TNFRSF21: variants seen among roughly 807,000 people sequenced by gnomAD.
The protein encoded by TNFRSF21 is tumor necrosis factor receptor superfamily member 21.
A neutral mutation model predicts 45.6 loss-of-function variants in TNFRSF21; 19 were observed. The ratio of observed to expected loss-of-function variants is 0.42; its 90% CI spans 0.29 to 0.61. The LOEUF is 0.61. TNFRSF21 is among the 20% of genes least tolerant of loss of function. TNFRSF21 has a pLI of 0.23. For synonymous variants in TNFRSF21, 314 were observed against 335.5 expected (o/e 0.94, Z 0.70); for missense variants, 737 against 851.5 (o/e 0.87, Z 1.67).
At chr6:47,290,363 A>G (rs1264966501) in intron 1 of TNFRSF21, among the ~76,000 whole-genome samples, 1 of 152,208 alleles carries the variant, frequency 6.6e-6, no homozygotes, top group Non-Finnish European at 1.5e-5. Context: ...GCTCTGCAGA[A>G]TGAGCACAGG....
chr6:47,293,383 C>T (rs1762754122), intron 1 of TNFRSF21, among the ~76,000 whole-genome samples: 1 of 152,196 alleles, frequency 6.6e-6, no homozygotes, highest in Non-Finnish European at 1.5e-5. Context: ...TGGAATTCAG[C>T]CCTTCATGTA....
chr6:47,241,637 T>C (rs1165575069), intron 4 of TNFRSF21, among the ~76,000 whole-genome samples: 2 of 152,170 alleles, frequency 1.3e-5, no homozygotes, highest in East Asian at 3.8e-4. Context: ...AAAGCAAATA[T>C]GCCAAAATGT....
chr6:47,257,935 A>G (rs1254378193), intron 3 of TNFRSF21, among the ~76,000 whole-genome samples: 1 of 152,156 alleles, frequency 6.6e-6, no homozygotes, highest in East Asian at 1.9e-4. Context: ...TTAATAGGGA[A>G]TGTGATGCAG....
At position 47,232,650 on chromosome 6, in the gene TNFRSF21, CACACACACAA is replaced by C. The variant is rs1764604104; in HGVS notation, c.*105_*114del. 2.0e-5 allele frequency: 17 copies of C among 837,852 alleles called. No homozygotes were observed. The highest frequency in any genetic ancestry group is 1.0e-4 in the South Asian group (6 of 59,476). 51.9% of individuals were successfully genotyped at this position (837,852 alleles called of 1,614,324 possible). Reference sequence around the variant, plus strand: ...ACACACACACACACACACACACACACACACACACAAACACACACACACACCCCAAACAACA... The same window carrying C: ...ACACACACACACACACACACACACACACACACACACACACCCCAAACAACA... On this transcript the variant is annotated 3_prime_UTR_variant, in exon 6 of 6. Transcript: ENST00000296861.
At chr6:47,284,623 G>A (rs866233705) in intron 2 of TNFRSF21, among the ~76,000 whole-genome samples, 191 bp from the exon 3 acceptor site, 19 of 152,162 alleles carry the variant, frequency 1.2e-4, no homozygotes, top group African/African-American at 4.6e-4. Context: ...AGGCAAAAAT[G>A]GAACTGAACC....
chr6:47,298,157 C>T (rs1762815502), intron 1 of TNFRSF21, among the ~76,000 whole-genome samples: 3 of 151,872 alleles, frequency 2.0e-5, no homozygotes, highest in Admixed American at 1.3e-4. Context: ...GATCTAGTCC[C>T]ATGAGATATT....
chr6:47,251,083 A>G (rs775501643), intron 4 of TNFRSF21, among the ~76,000 whole-genome samples: 1 of 152,200 alleles, frequency 6.6e-6, no homozygotes, highest in African/African-American at 2.4e-5. Context: ...CAAAGTCTGA[A>G]AAAATCCAAA....
At position 47,234,740 on chromosome 6, in the gene TNFRSF21, G is replaced by A. The variant is rs1582310797; in HGVS notation, c.1668C>T (p.Pro556=). The A allele has an allele frequency of 6.2e-7, 1 of 1,611,270 alleles. No homozygotes were observed. The highest frequency in any genetic ancestry group is 2.2e-5 in the East Asian group (1 of 44,648). ...TGGATGTAGAGTCACAGCGGAGAAG[G>A]GGCTCCGACTCATCCACGAAGAAGC... ...NKGFFVDESE[P]LLRCDSTSSG... The change falls in exon 5 of 6, where the codon CCC becomes CCT. Residue 556 remains proline, a synonymous_variant. Transcript: ENST00000296861.
At chr6:47,279,104 A>T (rs1433629576) in intron 3 of TNFRSF21, among the ~76,000 whole-genome samples, 1 of 152,180 alleles carries the variant, frequency 6.6e-6, no homozygotes, top group Non-Finnish European at 1.5e-5. Flanking sequence ...GAGCTTCTTC[A>T]TCCATAAGTA....
chr6:47,239,298 A>C lies in TNFRSF21; in HGVS notation c.1510-4400T>G, dbSNP rs1764711560. 2.6e-5 allele frequency among the ~76,000 whole-genome samples: 4 copies of C among 151,120 alleles called. No homozygotes were observed. The South Asian group carries it at 8.3e-4, about 31-fold the overall frequency. The stretch of plus-strand genomic sequence containing the variant: ...AAGACTCCATCTCAAAAAAAAAAAA[A>C]AAAAAAAAAAAAGGAAACTGAAGCC... On this transcript the variant is annotated intron_variant, in intron 4 of 5. Coordinates refer to ENST00000296861, the MANE Select transcript of TNFRSF21 (RefSeq NM_014452.5).
rs142787529 is a variant in TNFRSF21, at chr6:47,241,836, CTT to C, written c.1510-6940_1510-6939del. ...GCTTCTAATTGTTGAGTTAAAACCT[CTT>C]GTTTTCTTTCCTTCTTTCTTCTTCT... On this transcript the variant is annotated intron_variant, in intron 4 of 5. Coordinates refer to ENST00000296861, the MANE Select transcript of TNFRSF21 (RefSeq NM_014452.5). Among the ~76,000 whole-genome samples, 1,221 of 152,258 alleles carry C rather than the reference CTT, an allele frequency of 8.0e-3. 23 individuals are homozygous for C. The highest frequency in any genetic ancestry group is 0.027 in the African/African-American group (1,140 of 41,546).
chr6:47,288,661 A>G (rs1401348610), intron 1 of TNFRSF21, among the ~76,000 whole-genome samples: 2 of 152,154 alleles, frequency 1.3e-5, no homozygotes, highest in African/African-American at 4.8e-5. Flanking sequence ...TCATGATGCT[A>G]GGACAAGGCA....
Position 47,263,746 on chromosome 6 carries a change from T to C in TNFRSF21, c.1244-10225A>G, listed in dbSNP as rs1165771213. 5.3e-5 allele frequency among the ~76,000 whole-genome samples: 8 copies of C among 152,260 alleles called. No individual in the cohort carries two copies. The East Asian group carries it at 1.5e-3, about 29-fold the overall frequency. On this transcript the variant is annotated intron_variant, in intron 3 of 5. Transcript: ENST00000296861. ...AGACTGCAGCTGAAAGATCACCATA[T>C]TTACTAATTCTAAGACACCTGAATG...
intron 1 of TNFRSF21, among the ~76,000 whole-genome samples, chr6:47,290,026 C>T (rs1485051204): frequency 1.3e-5 from 2 of 152,030 alleles, no homozygotes; most frequent in Non-Finnish European, 1.5e-5. Context: ...AGAGTATCAA[C>T]GACAGGATTA....
At chr6:47,297,561 C>T (rs1354491668) in intron 1 of TNFRSF21, among the ~76,000 whole-genome samples, 1 of 127,900 alleles carries the variant, frequency 7.8e-6, no homozygotes, top group Non-Finnish European at 1.6e-5. Flanking sequence ...CTCGCTCTGT[C>T]ACCCAGGCTG....
intron 1 of TNFRSF21, among the ~76,000 whole-genome samples, chr6:47,306,973 A>G (rs1421962989): frequency 6.6e-6 from 1 of 152,190 alleles, no homozygotes. Context: ...AAGGATCCCA[A>G]TGGGATAAAT....
At chr6:47,294,286 G>C (rs755289736) in intron 1 of TNFRSF21, among the ~76,000 whole-genome samples, 5 of 152,180 alleles carry the variant, frequency 3.3e-5, no homozygotes, top group African/African-American at 1.2e-4. Context: ...TGGGACTACA[G>C]GGGCACGCCA....
chr6:47,243,227 C>T (rs918915916), intron 4 of TNFRSF21, among the ~76,000 whole-genome samples: 2 of 152,078 alleles, frequency 1.3e-5, no homozygotes, highest in African/African-American at 4.8e-5. Context: ...AGTTTCCCTC[C>T]GTGGTGGTAA....
chr6:47,233,973 T>A (rs976175455), intron 5 of TNFRSF21, among the ~76,000 whole-genome samples: 2 of 152,118 alleles, frequency 1.3e-5, no homozygotes, highest in African/African-American at 4.8e-5. Context: ...TTTAGGGTAT[T>A]TTTAAGTCAC....
Sources: allele counts gnomAD v4.1 joint callset (sites outside exome capture counted in the v4.1 genomes callset), GRCh38; gene constraint gnomAD v4.1.1; transcripts MANE v1.5; gene names NCBI Gene and HGNC (gene_info 2026-07-23, HGNC 2026-07-21).